Variants in ZNF836 observed in about 807,000 individuals in gnomAD.
The protein encoded by ZNF836 is zinc finger protein 836.
Under a neutral mutation model 7.4 loss-of-function variants are expected in ZNF836, and 12 were observed. The ratio of observed to expected loss-of-function variants is 1.61; its 90% CI spans 1.03 to 2.61. The LOEUF is 2.61. Ranked by LOEUF, ZNF836 falls within the 30% of genes most tolerant of loss-of-function variation. The pLI is 0.00. For synonymous variants in ZNF836, 365 were observed against 382.6 expected (o/e 0.95, Z 0.54); for missense variants, 998 against 1,126.2 (o/e 0.89, Z 1.63).
At chr19:52,164,790 G>C (rs1019178895) in intron 3 of ZNF836, among the ~76,000 whole-genome samples, 1 of 152,080 alleles carries the variant, frequency 6.6e-6, no homozygotes, top group Non-Finnish European at 1.5e-5. Flanking sequence ...TTACTGAAAG[G>C]CATAATATAA....
Position 52,157,356 on chromosome 19 carries a change from A to G in ZNF836, c.327T>C (p.Tyr109=). 6.2e-7 allele frequency: 1 copy of G among 1,607,490 alleles called. No individual in the cohort carries two copies. Among genetic ancestry groups the G allele is most frequent in the East Asian group, 2.2e-5 (1 of 44,844 alleles). The change falls in exon 5 of 5, where the codon TAT becomes TAC. Residue 109 remains tyrosine, a synonymous_variant. Transcript: ENST00000682614. ...TTTTATAGGTCATTGGCACTTCTTTATAATTTATTTCACCATCTTTCCATT... is the reference window on the plus strand; with the variant it reads ...TTTTATAGGTCATTGGCACTTCTTTGTAATTTATTTCACCATCTTTCCATT... ...EFQWKDGEIN[Y]KEVPMTYKNN...
chr19:52,167,506 A>G (rs984723804), intron 3 of ZNF836, among the ~76,000 whole-genome samples: 4 of 151,024 alleles, frequency 2.6e-5, no homozygotes, highest in African/African-American at 9.7e-5. Flanking sequence ...AATCAATGAT[A>G]AAATAAACAC....
At chr19:52,170,853 GA>G (rs1168172771) in intron 1 of ZNF836, among the ~76,000 whole-genome samples, 3 of 152,108 alleles carry the variant, frequency 2.0e-5, no homozygotes, top group Non-Finnish European at 4.4e-5. Context: ...CCACCTCCCG[GA>G]AAAGCATATT....
intron 3 of ZNF836, among the ~76,000 whole-genome samples, chr19:52,167,255 T>C (rs1421802270): frequency 6.6e-6 from 1 of 151,752 alleles, no homozygotes; most frequent in Non-Finnish European, 1.5e-5. Context: ...GAGGATCACC[T>C]GAGGTTGGGA....
At chr19:52,170,159 C>G (rs2089297031) in intron 1 of ZNF836, among the ~76,000 whole-genome samples, 2 of 151,192 alleles carry the variant, frequency 1.3e-5, no homozygotes, top group African/African-American at 4.9e-5. Flanking sequence ...TGTGTGTGTC[C>G]CTCTCTCATT....
At chr19:52,158,420 TTATTA>T (rs2089185236) in intron 4 of ZNF836, among the ~76,000 whole-genome samples, 1 of 152,106 alleles carries the variant, frequency 6.6e-6, no homozygotes, top group African/African-American at 2.4e-5. Flanking sequence ...TTCTGAATAC[TTATTA>T]TATAAGTATT....
Position 52,154,758 on chromosome 19 carries a change from C to T in ZNF836, c.*114G>A. On this transcript the variant is annotated 3_prime_UTR_variant, in exon 5 of 5. Coordinates refer to ENST00000682614, the MANE Select transcript of ZNF836 (RefSeq NM_001102657.3). ...GCTAAACCATTCTTGAGAAATCCAC[C>T]CCTGTGATCCAATCATCTCCCACCA... The T allele has an allele frequency of 1.1e-6, 1 of 945,226 alleles. No homozygotes were observed. Among genetic ancestry groups the T allele is most frequent in the Non-Finnish European group, 1.5e-6 (1 of 660,864 alleles). The allele number at this position is 945,226 out of a possible 1,614,324, so 58.6% of individuals were successfully genotyped here. A position where few individuals can be genotyped will look rare whatever the true frequency, so the allele number is the denominator to read the frequency against.
At chr19:52,166,691 A>G (rs1408770614) in intron 3 of ZNF836, among the ~76,000 whole-genome samples, 7 of 149,188 alleles carry the variant, frequency 4.7e-5, no homozygotes, top group African/African-American at 7.4e-5. Flanking sequence ...CTCCTGCTTC[A>G]GCCTCCCAAG....
chr19:52,157,293 C>A lies in ZNF836; in HGVS notation c.390G>T (p.Glu130Asp), dbSNP rs369226235. 17 of 1,605,810 alleles carry A rather than the reference C, an allele frequency of 1.1e-5. No individual in the cohort carries two copies. The highest frequency in any genetic ancestry group is 1.4e-5 in the Non-Finnish European group (17 of 1,175,082). ...TTTCAATACATTTGTTTTCTACATCCTCTTGACTATGTTGACCTCTTTTAC... is the reference window on the plus strand; with the variant it reads ...TTTCAATACATTTGTTTTCTACATCATCTTGACTATGTTGACCTCTTTTAC... ...LNGKRGQHSQ[E>D]DVENKCIENQ... is the part of the protein sequence containing the mutation. Residue 130 changes from glutamate to aspartate, a missense_variant, in exon 5 of 5, where the codon GAG becomes GAT. Coordinates refer to ENST00000682614, the MANE Select transcript of ZNF836 (RefSeq NM_001102657.3).
intron 3 of ZNF836, 200 bp from the exon 4 acceptor site, chr19:52,160,791 T>C: frequency 1.7e-6 from 1 of 579,304 alleles, no homozygotes; most frequent in Non-Finnish European, 2.9e-6. Flanking sequence ...CGTAAATCAG[T>C]GTAGGCTTCT....
intron 3 of ZNF836, among the ~76,000 whole-genome samples, chr19:52,163,452 C>G (rs1331369044): frequency 6.6e-6 from 1 of 152,200 alleles, no homozygotes; most frequent in African/African-American, 2.4e-5. Flanking sequence ...GTGTTTCTAA[C>G]AAACATCTTA....
At chr19:52,164,528 T>C (rs2089245093) in intron 3 of ZNF836, among the ~76,000 whole-genome samples, 1 of 148,060 alleles carries the variant, frequency 6.8e-6, no homozygotes, top group Non-Finnish European at 1.5e-5. Context: ...GAGCTAAAAA[T>C]AAAATAACTG....
At chr19:52,164,834 T>A (rs571284569) in intron 3 of ZNF836, among the ~76,000 whole-genome samples, 1 of 152,318 alleles carries the variant, frequency 6.6e-6, no homozygotes, top group East Asian at 1.9e-4. Flanking sequence ...ATGCCTGTAA[T>A]CCCAGCACTT....
intron 3 of ZNF836, among the ~76,000 whole-genome samples, chr19:52,166,287 G>A (rs901918108): frequency 2.0e-5 from 3 of 152,050 alleles, no homozygotes; most frequent in African/African-American, 7.2e-5. Flanking sequence ...ACTGCGCCTG[G>A]CCAATGTCCT....
In ZNF836 at chr19:52,155,799, A is replaced by G. The variant is rs760237349; in HGVS notation, c.1884T>C (p.His628=). 1.2e-6 allele frequency: 2 copies of G among 1,614,004 alleles called. No individual in the cohort carries two copies. The highest frequency in any genetic ancestry group is 1.7e-6 in the Non-Finnish European group (2 of 1,179,896). The change falls in exon 5 of 5, where the codon CAT becomes CAC. Residue 628 remains histidine (H), a synonymous_variant. Coordinates refer to ENST00000682614, the MANE Select transcript of ZNF836 (RefSeq NM_001102657.3). ...GCTTCTCTCCAGTATGAATTCTCTT[A>G]TGATTTGAAAGGTTTCCACTGTCAT... is the stretch of plus-strand genomic sequence containing the variant. ...VFNDSGNLSN[H]KRIHTGEKPF... is the part of the protein sequence containing the mutation.
chr19:52,168,364 G>A (rs2089283369), intron 2 of ZNF836, among the ~76,000 whole-genome samples: 2 of 152,136 alleles, frequency 1.3e-5, no homozygotes, highest in Admixed American at 6.5e-5. Context: ...GAGGCGGGCA[G>A]ATCAACTGAA....
rs868747878 is a variant in ZNF836 at position 52,155,717 on chromosome 19, G to A, written c.1966C>T (p.His656Tyr). Residue 656 changes from histidine (H) to tyrosine (Y), a missense_variant, in exon 5 of 5, where the codon CAT becomes TAT. By Grantham distance (83) the His-to-Tyr change is moderately conservative. Transcript: ENST00000682614. ...VFSYYSCLARHRKIHTGEKPY... is the reference protein window; with the variant it reads ...VFSYYSCLARYRKIHTGEKPY... ...TTCTCTCCGGTATGAATTTTCCGAT[G>A]ACGTGCTAGGCATGAGTAGTAACTG... 6.2e-7 allele frequency: 1 copy of A among 1,614,192 alleles called. No homozygotes were observed. Among genetic ancestry groups the A allele is most frequent in the Non-Finnish European group, 8.5e-7 (1 of 1,180,036 alleles).
intron 4 of ZNF836, chr19:52,160,258 G>T: frequency 1.6e-6 from 1 of 624,106 alleles, no homozygotes. Context: ...TAAGGGCACA[G>T]GACAACAAGG....
At position 52,155,848 on chromosome 19, in the gene ZNF836, C is replaced by T. The variant is rs1315979101; in HGVS notation, c.1835G>A (p.Cys612Tyr). 1 of 1,614,022 alleles carries T rather than the reference C, an allele frequency of 6.2e-7. No homozygotes were observed. Among genetic ancestry groups the T allele is most frequent in the Non-Finnish European group, 8.5e-7 (1 of 1,179,902 alleles). The change falls in exon 5 of 5, where the codon TGT becomes TAT. Residue 612 changes from cysteine to tyrosine, a missense_variant. By Grantham distance (194) the Cys-to-Tyr change is radical. Transcript: ENST00000682614. Reference protein sequence around the residue: ...RIHTGQKPYKCNVCGKVFNDS... With the variant: ...RIHTGQKPYKYNVCGKVFNDS... ...ATTGAAGACCTTGCCACACACATTACATTTGTAAGGTTTCTGCCCAGTATG... is the reference window on the plus strand; with the variant it reads ...ATTGAAGACCTTGCCACACACATTATATTTGTAAGGTTTCTGCCCAGTATG...
Sources: gnomAD v4.1 joint callset for allele counts (sites outside exome capture counted in the v4.1 genomes callset) on GRCh38, gnomAD v4.1.1 for gene constraint, MANE v1.5 for transcripts, NCBI Gene and HGNC (gene_info 2026-07-23, HGNC 2026-07-21) for gene names.